Variants in SGCD observed in about 807,000 individuals in gnomAD.
The protein encoded by SGCD is sarcoglycan delta, also known as delta-sarcoglycan.
In SGCD, 18 loss-of-function variants were observed where a neutral mutation model predicts 36.6. That is an observed-to-expected ratio of 0.49 (90% CI 0.34 to 0.73). The LOEUF is 0.73. SGCD is among the 30% of genes least tolerant of loss of function. The pLI is 0.01. For synonymous variants in SGCD, 133 were observed against 130.6 expected (o/e 1.02, Z -0.12); for missense variants, 387 against 346.7 (o/e 1.12, Z -0.92).
intron 3 of SGCD, among the ~76,000 whole-genome samples, chr5:156,218,838 A>G (rs1290994605): frequency 6.6e-6 from 1 of 152,156 alleles, no homozygotes; most frequent in Non-Finnish European, 1.5e-5. Context: ...GTTTATCTTA[A>G]ATTTCCAGAA....
At chr5:155,752,174 T>G in the SGCD span, among the ~76,000 whole-genome samples, 1 of 152,294 alleles carries the variant, frequency 6.6e-6, no homozygotes, top group Admixed American at 6.5e-5. Context: ...CTTAACTATC[T>G]CTCCCCACTT....
At chr5:156,681,430 C>A (rs1379612015) in intron 7 of SGCD, among the ~76,000 whole-genome samples, 1 of 152,286 alleles carries the variant, frequency 6.6e-6, no homozygotes, top group South Asian at 2.1e-4. Flanking sequence ...ACTGGTGTTG[C>A]TCTGCCAGCT....
chr5:156,415,476 A>G (rs1772981924), intron 3 of SGCD, among the ~76,000 whole-genome samples: 1 of 152,342 alleles, frequency 6.6e-6, no homozygotes, highest in East Asian at 1.9e-4. Context: ...TGACAGCTCT[A>G]TAGGTCCCTA....
chr5:156,522,727 C>A (rs1757466188), intron 4 of SGCD, among the ~76,000 whole-genome samples: 1 of 135,504 alleles, frequency 7.4e-6, no homozygotes, highest in Admixed American at 7.5e-5. Flanking sequence ...GTACATGTAC[C>A]CCAGCACTTA....
intron 1 of SGCD, among the ~76,000 whole-genome samples, chr5:155,945,684 A>C (rs1757424295): frequency 6.6e-6 from 1 of 152,148 alleles, no homozygotes; most frequent in Admixed American, 6.6e-5. Context: ...GGGACCCTCA[A>C]GGAATACGAG....
chr5:156,342,022 G>GT (rs1768681857), intron 2 of SGCD, among the ~76,000 whole-genome samples: 3 of 152,270 alleles, frequency 2.0e-5, no homozygotes, highest in South Asian at 4.1e-4. Flanking sequence ...GAGTACAAAT[G>GT]TTTTTAACAG....
intron 3 of SGCD, among the ~76,000 whole-genome samples, chr5:156,188,590 G>C (rs1027826526): frequency 2.0e-5 from 3 of 151,846 alleles, no homozygotes; most frequent in Non-Finnish European, 2.9e-5. Flanking sequence ...TACTGTTGGG[G>C]TTCAAAGACA....
At chr5:155,786,359 C>T in the SGCD span, among the ~76,000 whole-genome samples, 1 of 152,126 alleles carries the variant, frequency 6.6e-6, no homozygotes, top group Non-Finnish European at 1.5e-5. Flanking sequence ...TCACATATGC[C>T]CAGCTTAGCC....
the SGCD span, among the ~76,000 whole-genome samples, chr5:155,767,421 G>A: frequency 6.6e-6 from 1 of 152,170 alleles, no homozygotes; most frequent in African/African-American, 2.4e-5. Context: ...ACTGTCTTTT[G>A]TATTACAGAT....
intron 3 of SGCD, among the ~76,000 whole-genome samples, chr5:156,277,199 C>T (rs1581213090): frequency 6.6e-6 from 1 of 152,164 alleles, no homozygotes; most frequent in African/African-American, 2.4e-5. Context: ...CAAGCCTTAC[C>T]TGTCCCTCTG....
chr5:156,611,177 T>G (rs1434514813), intron 6 of SGCD, among the ~76,000 whole-genome samples: 1 of 152,234 alleles, frequency 6.6e-6, no homozygotes, highest in Non-Finnish European at 1.5e-5. Flanking sequence ...TTCAGCCATC[T>G]TGGCTCCTCC....
In SGCD at chr5:155,957,758, C is replaced by G. The variant is rs10061899; in HGVS notation, c.-282+87334C>G. ...TATTTTAAGGTCAACTGAACAGCAG[C>G]CTTAATTCCATCTGCTCCCTTAGTT... is the stretch of plus-strand genomic sequence containing the variant. On this transcript the variant is annotated intron_variant, in intron 1 of 9. Coordinates refer to the SGCD transcript ENST00000517913. Among the ~76,000 whole-genome samples, 268 of 152,236 alleles carry G rather than the reference C, an allele frequency of 1.8e-3. 1 individual carries two copies. The highest frequency in any genetic ancestry group is 6.3e-3 in the African/African-American group (261 of 41,564).
chr5:155,879,697 TAATG>T (rs1249928209), intron 1 of SGCD, among the ~76,000 whole-genome samples: 1 of 152,170 alleles, frequency 6.6e-6, no homozygotes, highest in African/African-American at 2.4e-5. Context: ...GTTTAAATGA[TAATG>T]AAAGTAATTA....
chr5:155,835,606 A>G, the SGCD span, among the ~76,000 whole-genome samples: 1 of 152,336 alleles, frequency 6.6e-6, no homozygotes, highest in East Asian at 1.9e-4. Flanking sequence ...GTATTCAAAC[A>G]TATTAACATA....
chr5:156,132,711 GC>G (rs1762358637), intron 3 of SGCD, among the ~76,000 whole-genome samples: 1 of 151,382 alleles, frequency 6.6e-6, no homozygotes, highest in Non-Finnish European at 1.5e-5. Context: ...CTCGTGATCC[GC>G]CCGCCTCGGC....
intron 3 of SGCD, among the ~76,000 whole-genome samples, chr5:156,424,553 A>G (rs1461739195): frequency 6.6e-6 from 1 of 152,118 alleles, no homozygotes; most frequent in Non-Finnish European, 1.5e-5. Context: ...CTGCAGTTTC[A>G]TTCAGAGTAA....
At chr5:156,698,130 G>C (rs939011058) in intron 7 of SGCD, among the ~76,000 whole-genome samples, 1 of 152,076 alleles carries the variant, frequency 6.6e-6, no homozygotes, top group Non-Finnish European at 1.5e-5. Flanking sequence ...CTTTCAACTT[G>C]GTGGGAGAGC....
At chr5:156,320,814 C>G (rs1767644221) in intron 3 of SGCD, among the ~76,000 whole-genome samples, 1 of 152,184 alleles carries the variant, frequency 6.6e-6, no homozygotes, top group African/African-American at 2.4e-5. Context: ...ACTTCCTGGT[C>G]CAGATTCATT....
At chr5:155,995,960 T>A (rs1398259684) in intron 1 of SGCD, among the ~76,000 whole-genome samples, 1 of 146,768 alleles carries the variant, frequency 6.8e-6, no homozygotes, top group Admixed American at 6.8e-5. Flanking sequence ...GATTTGAGCT[T>A]TCATTGTATG....
Sources: gnomAD v4.1 joint callset for allele counts (sites outside exome capture counted in the v4.1 genomes callset) on GRCh38, gnomAD v4.1.1 for gene constraint, MANE v1.5 for transcripts, NCBI Gene and HGNC (gene_info 2026-07-23, HGNC 2026-07-21) for gene names.